OGFR: variants seen among roughly 807,000 people sequenced by gnomAD.
The protein encoded by OGFR is opioid growth factor receptor.
OGFR carries 18 observed loss-of-function variants against 33.6 expected under a neutral mutation model. That is an observed-to-expected ratio of 0.54 (90% CI 0.37 to 0.80). The LOEUF is 0.80. OGFR is among the 30% of genes least tolerant of loss of function. The probability of loss-of-function intolerance (pLI) is 0.00; values close to 1 mark genes in which losing one functional copy is unlikely to be tolerated. For synonymous variants in OGFR, 370 were observed against 400.7 expected, an observed-to-expected ratio of 0.92 and a Z score of 0.91; for missense variants, 877 against 955.8, an observed-to-expected ratio of 0.92 and a Z score of 1.09.
chr20:62,807,841 G>A (rs1423341163), intron 2 of OGFR: 8 of 603,216 alleles, frequency 1.3e-5, no homozygotes, highest in Non-Finnish European at 2.4e-5. Context: ...CCGTCGCCTT[G>A]CAAACATGGC....
At chr20:62,805,364 C>T (rs972836808) in intron 1 of OGFR, 1 of 162,308 alleles carries the variant, frequency 6.2e-6, no homozygotes, top group Non-Finnish European at 1.3e-5. Flanking sequence ...GCCTCGGCCT[C>T]CTGGCGGCCC....
Position 62,813,692 on chromosome 20 carries a change from T to A in OGFR, c.*43T>A. On this transcript the variant is annotated 3_prime_UTR_variant, in exon 7 of 7. Transcript: ENST00000290291. ...GGCGTCTTGGTCCTCCTGTCCCTGC[T>A]GCAGGGGCTGGGGCCTCCGGAGCTG... 1 of 1,597,038 alleles carries A rather than the reference T, an allele frequency of 6.3e-7. No homozygotes were observed. The highest frequency in any genetic ancestry group is 8.6e-7 in the Non-Finnish European group (1 of 1,166,910).
At chr20:62,811,750 C>A in intron 6 of OGFR, 140 bp downstream of exon 6, 1 of 961,852 alleles carries the variant, frequency 1.0e-6, no homozygotes, top group Non-Finnish European at 1.5e-6. Context: ...TGAGTCCCCT[C>A]CTTGCTGCCT....
chr20:62,812,751 C>A lies in OGFR; in HGVS notation c.1136C>A (p.Pro379His), dbSNP rs757394124. Residue 379 changes from proline to histidine, a missense_variant, in exon 7 of 7, where the codon CCC becomes CAC. Pro to His is a moderately conservative substitution (Grantham distance 77). This residue lies in a region of OGFR where 760 missense variants were observed against 736.0 expected (regional missense o/e 1.03). Transcript: ENST00000290291. ...GAAGATAGGCCGGAGCCCTTAAGCC[C>A]CAAAGAGAGCAAGAAGAGGAAGCTG... is the stretch of plus-strand genomic sequence containing the variant. ...HGEDRPEPLSPKESKKRKLEL... is the reference protein window; with the variant it reads ...HGEDRPEPLSHKESKKRKLEL... 3.2e-5 allele frequency: 51 copies of A among 1,610,184 alleles called. No homozygotes were observed. The highest frequency in any genetic ancestry group is 4.2e-5 in the Non-Finnish European group (50 of 1,178,816).
intron 4 of OGFR, among the ~76,000 whole-genome samples, chr20:62,810,093 C>CAT (rs10629509): frequency 0.59 from 89,340 of 151,978 alleles, 26,524 homozygotes; most frequent in East Asian, 0.76. Context: ...GCCCCGGAAA[C>CAT]AGCATGCCCT....
chr20:62,807,462 C>G (rs1037792089), intron 1 of OGFR, 75 bp from the exon 2 acceptor site: 1 of 1,366,696 alleles, frequency 7.3e-7, no homozygotes, highest in African/African-American at 1.4e-5. Context: ...GGCCCAGGCC[C>G]TGCAGCCCTC....
intron 3 of OGFR, 24 bp from the exon 4 acceptor site, chr20:62,809,561 G>A: frequency 6.2e-7 from 1 of 1,604,462 alleles, no homozygotes; most frequent in Admixed American, 1.7e-5. Context: ...TGCCACAGCT[G>A]ACTTGTCCCC....
Position 62,809,675 on chromosome 20 carries a change from A to G in OGFR, c.398+12A>G. Reference sequence around the variant, plus strand: ...TCCTACATCCAGTGGTGAGTTGGGGAGGATGGGGGGATGGGGGGTTGGCGA... The same window carrying G: ...TCCTACATCCAGTGGTGAGTTGGGGGGGATGGGGGGATGGGGGGTTGGCGA... On this transcript the variant is annotated intron_variant, in intron 4 of 6. Transcript: ENST00000290291. 8.7e-7 allele frequency: 1 copy of G among 1,151,798 alleles called. No homozygotes were observed. The highest frequency in any genetic ancestry group is 1.2e-6 in the Non-Finnish European group (1 of 807,178). The allele number at this position is 1,151,798 out of a possible 1,614,324, so 71.3% of individuals were successfully genotyped here.
rs779249151 is a variant in OGFR at position 62,812,666 on chromosome 20, G to T, written c.1051G>T (p.Glu351Ter). The change falls in exon 7 of 7, where the codon GAG becomes TAG. Residue 351 changes from glutamate to a stop codon, truncating the protein, a stop_gained. Transcript: ENST00000290291. LOFTEE classifies it low-confidence loss of function (END_TRUNC). ...VDEGPQPRSV[E>*]PQDAGPLERS... ...CGAGGGGCCCCAGCCACGGAGCGTG[G>T]AGCCCCAGGATGCGGGACCCCTGGA... 1 of 1,566,150 alleles carries T rather than the reference G, an allele frequency of 6.4e-7. No individual in the cohort carries two copies. Among genetic ancestry groups the T allele is most frequent in the Non-Finnish European group, 8.7e-7 (1 of 1,156,036 alleles).
intron 1 of OGFR, chr20:62,807,121 A>G: frequency 1.0e-5 from 2 of 200,748 alleles, no homozygotes; most frequent in African/African-American, 2.3e-5. Context: ...AAGCAGGGGG[A>G]GTCTCCAGGG....
In OGFR at chr20:62,808,923, C is replaced by T. The variant is rs916646788; in HGVS notation, c.319+598C>T. Reference sequence around the variant, plus strand: ...TTGGGAGGTGGAGGTTGCAGTGAGCCGAGATCTCGCCACTGCCCTCCAGCC... The same window carrying T: ...TTGGGAGGTGGAGGTTGCAGTGAGCTGAGATCTCGCCACTGCCCTCCAGCC... On this transcript the variant is annotated intron_variant, in intron 3 of 6. Coordinates refer to ENST00000290291, the MANE Select transcript of OGFR (RefSeq NM_007346.4). Among the ~76,000 whole-genome samples the T allele has an allele frequency of 3.0e-5, 4 of 134,844 alleles. No homozygotes were observed. The East Asian group carries it at 6.8e-4, about 23-fold the overall frequency. The allele number at this position is 134,844 out of a possible 152,430, so 88.5% of individuals were successfully genotyped here. A position where few individuals can be genotyped will look rare whatever the true frequency, so the allele number is the denominator to read the frequency against.
intron 2 of OGFR, 47 bp downstream of exon 2, chr20:62,807,652 G>C: frequency 1.9e-6 from 3 of 1,572,088 alleles, no homozygotes; most frequent in Non-Finnish European, 2.6e-6. Context: ...CCCGCCAGCT[G>C]CTCTTCTCAG....
rs552347000 is a variant in OGFR, at chr20:62,812,127, G to A, written c.615-103G>A. 1.6e-4 allele frequency: 161 copies of A among 983,036 alleles called. No homozygotes were observed. In the East Asian group the frequency reaches 4.3e-3, roughly 26 times the overall value. The allele number at this position is 983,036 out of a possible 1,614,324, so 60.9% of individuals were successfully genotyped here. A position where few individuals can be genotyped will look rare whatever the true frequency, so the allele number is the denominator to read the frequency against. ...GAGAGACTGAATCGTGGGCCAGGGT[G>A]GGGAGACCTCGTGGAGCCGGGTGGG... On this transcript the variant is annotated intron_variant, in intron 6 of 6. Transcript: ENST00000290291.
At chr20:62,805,337 T>C (rs2147180676) in intron 1 of OGFR, 1 of 188,832 alleles carries the variant, frequency 5.3e-6, no homozygotes, top group Admixed American at 6.2e-5. Flanking sequence ...ATGGAACCCC[T>C]CCCGCCTCGG....
Position 62,812,837 on chromosome 20 carries a change from G to C in OGFR, c.1222G>C (p.Glu408Gln). 6.2e-7 allele frequency: 1 copy of C among 1,612,818 alleles called. No individual in the cohort carries two copies. The highest frequency in any genetic ancestry group is 8.5e-7 in the Non-Finnish European group (1 of 1,179,964). ...EPGPQSASEV[E>Q]KIALNLEGCA... is the part of the protein sequence containing the mutation. ...AGGCCCTCAGAGTGCCTCAGAGGTG[G>C]AGAAGATCGCTCTGAATTTGGAGGG... The change falls in exon 7 of 7, where the codon GAG (glutamate) becomes CAG (glutamine). Residue 408 changes from glutamate to glutamine, a missense_variant. By Grantham distance (29) the Glu-to-Gln change is conservative (BLOSUM62 2). Coordinates refer to ENST00000290291, the MANE Select transcript of OGFR (RefSeq NM_007346.4).
Position 62,812,895 on chromosome 20 carries a change from G to A in OGFR, c.1280G>A (p.Gly427Glu). 1 of 1,612,530 alleles carries A rather than the reference G, an allele frequency of 6.2e-7. No individual in the cohort carries two copies. The part of the protein sequence containing the change: ...CALSQGSLRT[G>E]TQEVGGQDPG... ...CTCAGCCAGGGCAGCCTCAGGACGG[G>A]GACCCAGGAAGTGGGCGGTCAGGAC... The change falls in exon 7 of 7, where the codon GGG becomes GAG. Residue 427 changes from glycine to glutamate, a missense_variant. Transcript: ENST00000290291.
At position 62,812,516 on chromosome 20, in the gene OGFR, C is replaced by A; in HGVS notation, c.901C>A (p.Pro301Thr). ...GCGGAGGTTCAAGCCCAGCTCTCTG[C>A]CCCATCCGCTCGAGGGCTCCAGGAA... ...KLRRFKPSSL[P>T]HPLEGSRKVE... The change falls in exon 7 of 7, where the codon CCC (proline) becomes ACC (threonine). Residue 301 changes from proline to threonine, a missense_variant. Transcript: ENST00000290291. 1 of 1,585,324 alleles carries A rather than the reference C, an allele frequency of 6.3e-7. No homozygotes were observed.
In OGFR at chr20:62,813,079, G is replaced by C; in HGVS notation, c.1464G>C (p.Ser488=). Residue 488 remains serine, a synonymous_variant, in exon 7 of 7, where the codon TCG becomes TCC. Transcript: ENST00000290291. The part of the protein sequence containing the change: ...TLALAGSPAP[S]GHPKAGHSEN... ...CCCTTGCCGGGTCCCCTGCCCCATC[G>C]GGGCACCCCAAGGCTGGACACAGTG... 6.3e-7 allele frequency: 1 copy of C among 1,579,210 alleles called. No individual in the cohort carries two copies. Among genetic ancestry groups the C allele is most frequent in the South Asian group, 1.1e-5 (1 of 87,460 alleles).
rs975274714 is a variant in OGFR, at chr20:62,807,563, G to A, written c.198G>A (p.Trp66Ter). 2 of 1,612,822 alleles carry A rather than the reference G, an allele frequency of 1.2e-6. No individual in the cohort carries two copies. The highest frequency in any genetic ancestry group is 1.7e-6 in the Non-Finnish European group (2 of 1,179,820). ...CCAGAATGACAGGGTCCAGAAACTG[G>A]CGAGCCACGAGGGACATGTGTAGGT... ...FQSRMTGSRN[W>*]RATRDMCRYR... Residue 66 changes from tryptophan to a stop codon, truncating the protein, a stop_gained, in exon 2 of 7, where the codon TGG becomes TGA. Coordinates refer to ENST00000290291, the MANE Select transcript of OGFR (RefSeq NM_007346.4). LOFTEE classifies it high-confidence loss of function.
Sources: allele counts gnomAD v4.1 joint callset (sites outside exome capture counted in the v4.1 genomes callset), GRCh38; gene constraint gnomAD v4.1.1; regional missense constraint gnomAD v4.1.1; transcripts MANE v1.5; gene names NCBI Gene and HGNC (gene_info 2026-07-23, HGNC 2026-07-21).